The following DNER variants were observed in gnomAD, a reference collection of about 807,000 sequenced individuals.
DNER encodes the protein delta/notch like EGF repeat containing.
A neutral mutation model predicts 78.2 loss-of-function variants in DNER; 33 were observed. The observed-to-expected ratio is 0.42, with a 90% CI of 0.32 to 0.56. DNER has a LOEUF of 0.56. Ranked by LOEUF, DNER falls within the 20% of genes least tolerant of loss-of-function variation. The probability of loss-of-function intolerance (pLI) is 0.11; values close to 1 mark genes in which losing one functional copy is unlikely to be tolerated. For synonymous variants in DNER, 417 were observed against 384.8 expected (o/e 1.08, Z -0.98); for missense variants, 918 against 975.3 (o/e 0.94, Z 0.78).
chr2:229,477,329 A>G, intron 6 of DNER, 76 bp from the exon 7 acceptor site: 1 of 1,044,924 alleles, frequency 9.6e-7, no homozygotes, highest in South Asian at 1.5e-5. Flanking sequence ...GAATTGATGG[A>G]TTCAACTGGT....
chr2:229,396,696 G>C (rs1361571886), intron 10 of DNER, among the ~76,000 whole-genome samples: 2 of 152,182 alleles, frequency 1.3e-5, no homozygotes, highest in African/African-American at 4.8e-5. Flanking sequence ...AAACCCCTTG[G>C]TAATTGTTAT....
chr2:229,660,319 T>G (rs1698987903), intron 1 of DNER, among the ~76,000 whole-genome samples: 1 of 152,146 alleles, frequency 6.6e-6, no homozygotes, highest in Non-Finnish European at 1.5e-5. Context: ...CTTTCCCCTT[T>G]ACGTGTCCAT....
rs1051620739 is a variant in DNER, at chr2:229,588,426, T to C, written c.648A>G (p.Val216=). 4.4e-6 allele frequency: 7 copies of C among 1,600,648 alleles called. No individual in the cohort carries two copies. The highest frequency in any genetic ancestry group is 3.3e-4 in the Middle Eastern group (2 of 5,988). Residue 216 remains valine, a synonymous_variant, in exon 3 of 13, where the codon GTA becomes GTG. Transcript: ENST00000341772. ...SSNSSAGGRL[V]SFEVPQNTSV... ...AGGTGTTCTGTGGCACTTCAAAGGA[T>C]ACCAGGCGGCCACCCGCAGAGCTGT...
chr2:229,594,100 C>G (rs556719446), intron 1 of DNER, among the ~76,000 whole-genome samples: 1 of 152,224 alleles, frequency 6.6e-6, no homozygotes, highest in Non-Finnish European at 1.5e-5. Context: ...GCACTGAGCA[C>G]AGCAGAAGTC....
At chr2:229,405,715 T>TAC (rs990580861) in intron 10 of DNER, among the ~76,000 whole-genome samples, 6 of 152,094 alleles carry the variant, frequency 3.9e-5, no homozygotes, top group African/African-American at 1.4e-4. Flanking sequence ...CACTATATAC[T>TAC]ACACACACAC....
At chr2:229,535,943 C>T (rs1696395585) in intron 5 of DNER, among the ~76,000 whole-genome samples, 1 of 152,130 alleles carries the variant, frequency 6.6e-6, no homozygotes, top group African/African-American at 2.4e-5. Context: ...CACGCCTGGC[C>T]CAGACTGATT....
At chr2:229,512,336 T>A (rs559960499) in intron 6 of DNER, among the ~76,000 whole-genome samples, 1 of 140,650 alleles carries the variant, frequency 7.1e-6, no homozygotes, top group South Asian at 2.3e-4. Context: ...TGAGCCGAGA[T>A]CACACCATTG....
chr2:229,520,313 C>T (rs1014006896), intron 5 of DNER, among the ~76,000 whole-genome samples: 4 of 152,136 alleles, frequency 2.6e-5, no homozygotes, highest in Admixed American at 1.3e-4. Flanking sequence ...ATAACTGGAA[C>T]CAGGATTAGG....
rs557763253 is a variant in DNER, at chr2:229,520,038, A to G, written c.994-7102T>C. Among the ~76,000 whole-genome samples the G allele has an allele frequency of 2.0e-4, 31 of 152,312 alleles. No individual in the cohort carries two copies. In the South Asian group the frequency reaches 2.7e-3, roughly 13 times the overall value. The stretch of plus-strand genomic sequence containing the variant: ...TACATAAAGCGCCTAATTGCTCCTG[A>G]ACAGACTTAGGAACTTCAGGCAATT... On this transcript the variant is annotated intron_variant, in intron 5 of 12. Transcript: ENST00000341772.
At chr2:229,602,170 C>T (rs1375179559) in intron 1 of DNER, among the ~76,000 whole-genome samples, 1 of 152,154 alleles carries the variant, frequency 6.6e-6, no homozygotes, top group African/African-American at 2.4e-5. Context: ...ATGTCGACTT[C>T]TGCCTCTTTC....
intron 4 of DNER, among the ~76,000 whole-genome samples, chr2:229,573,886 C>T (rs1001636962): frequency 7.2e-5 from 11 of 152,170 alleles, no homozygotes; most frequent in African/African-American, 2.2e-4. Flanking sequence ...GAAACCACTA[C>T]ATTTACCATT....
Position 229,524,284 on chromosome 2 carries a change from T to G in DNER, c.994-11348A>C, listed in dbSNP as rs1289486614. ...CTCTTTTTGACCATGGGCAAGTAAT[T>G]TATATTATTTATTGCATTGTTTCCT... On this transcript the variant is annotated intron_variant, in intron 5 of 12. Transcript: ENST00000341772. Among the ~76,000 whole-genome samples, 4 of 152,324 alleles carry G rather than the reference T, an allele frequency of 2.6e-5. No homozygotes were observed. In the East Asian group the frequency reaches 7.7e-4, roughly 29 times the overall value.
chr2:229,466,796 C>T (rs1024419732), intron 7 of DNER, among the ~76,000 whole-genome samples: 1 of 152,114 alleles, frequency 6.6e-6, no homozygotes, highest in African/African-American at 2.4e-5. Flanking sequence ...ATGTAGAGCA[C>T]ACTGTTCAGT....
intron 1 of DNER, among the ~76,000 whole-genome samples, chr2:229,710,983 G>GCGCGCACACACACA (rs1553555262): frequency 7.2e-6 from 1 of 139,724 alleles, no homozygotes; most frequent in Admixed American, 7.2e-5. Context: ...GCATACACGC[G>GCGCGCACACACACA]CACACACACA....
At chr2:229,684,018 A>G (rs1246896380) in intron 1 of DNER, among the ~76,000 whole-genome samples, 1 of 152,132 alleles carries the variant, frequency 6.6e-6, no homozygotes, top group Admixed American at 6.6e-5. Context: ...GAGAGCTGAT[A>G]CTGAAACCCT....
At chr2:229,378,423 T>C (rs557980836) in intron 11 of DNER, among the ~76,000 whole-genome samples, 1 of 152,172 alleles carries the variant, frequency 6.6e-6, no homozygotes, top group East Asian at 1.9e-4. Context: ...ACAGCATGGG[T>C]GAAGGTCCTG....
intron 4 of DNER, among the ~76,000 whole-genome samples, chr2:229,547,406 CT>C (rs1349365508): frequency 5.9e-5 from 9 of 152,208 alleles, no homozygotes; most frequent in African/African-American, 2.2e-4. Flanking sequence ...CCTCTGGGGG[CT>C]GCTTTGTCTC....
At chr2:229,691,863 C>T (rs1227247364) in intron 1 of DNER, among the ~76,000 whole-genome samples, 5 of 152,162 alleles carry the variant, frequency 3.3e-5, no homozygotes, top group African/African-American at 1.2e-4. Flanking sequence ...GAGATGCACA[C>T]GTGACCCAAG....
At chr2:229,524,830 C>A (rs576328760) in intron 5 of DNER, among the ~76,000 whole-genome samples, 1 of 152,210 alleles carries the variant, frequency 6.6e-6, no homozygotes, top group African/African-American at 2.4e-5. Context: ...ACACTCTGAT[C>A]GCTCTGGGCC....
Sources: allele counts gnomAD v4.1 joint callset (sites outside exome capture counted in the v4.1 genomes callset), GRCh38; gene constraint gnomAD v4.1.1; transcripts MANE v1.5; gene names NCBI Gene and HGNC (gene_info 2026-07-23, HGNC 2026-07-21).